The following RPH3AL variants were observed in gnomAD, a reference collection of about 807,000 sequenced individuals.
RPH3AL encodes the protein rab effector Noc2.
A neutral mutation model predicts 43.1 loss-of-function variants in RPH3AL; 38 were observed. The observed-to-expected ratio is 0.88, with a 90% CI of 0.68 to 1.15. The LOEUF (loss-of-function observed/expected upper bound fraction) is 1.15. RPH3AL is among the 50% of genes most tolerant of loss of function. RPH3AL has a pLI of 0.00. For missense variants in RPH3AL, 462 were observed against 423.2 expected, an observed-to-expected ratio of 1.09 and a Z score of -0.81; for synonymous variants, 189 against 176.3, an observed-to-expected ratio of 1.07 and a Z score of -0.57.
chr17:227,438 G>A (rs530490260), intron 7 of RPH3AL, among the ~76,000 whole-genome samples: 20 of 151,398 alleles, frequency 1.3e-4, no homozygotes, highest in South Asian at 2.1e-4. Flanking sequence ...GGGGACAGGC[G>A]TCATGCTGGC....
At chr17:351,672 C>T (rs377687006) in intron 1 of RPH3AL, among the ~76,000 whole-genome samples, 1 of 152,280 alleles carries the variant, frequency 6.6e-6, no homozygotes, top group East Asian at 1.9e-4. Context: ...GGCTCCCGTA[C>T]GATTCTTTAC....
intron 5 of RPH3AL, among the ~76,000 whole-genome samples, chr17:319,177 C>T (rs892272723): frequency 2.6e-5 from 4 of 152,218 alleles, no homozygotes; most frequent in African/African-American, 9.6e-5. Context: ...AGCTCTGGGT[C>T]TCGTGGCTCG....
intron 5 of RPH3AL, among the ~76,000 whole-genome samples, chr17:282,225 A>T (rs1168340362): frequency 6.6e-6 from 1 of 152,234 alleles, no homozygotes; most frequent in Non-Finnish European, 1.5e-5. Context: ...CACACAGCCG[A>T]CGGCGGTGCT....
chr17:257,854 G>A lies in RPH3AL; in HGVS notation c.439-10569C>T, dbSNP rs1276566679. Among the ~76,000 whole-genome samples the A allele has an allele frequency of 1.5e-3, 24 of 16,194 alleles. 9 individuals carry two copies. The East Asian group carries it at 0.016, about 11-fold the overall frequency. 10.6% of individuals were successfully genotyped at this position (16,194 alleles called of 152,430 possible). ...TGTGACTACCCTACGTACTTCCTAT[G>A]AGGGGAGCCGCACGGTGTCTGTCCT... On this transcript the variant is annotated intron_variant, in intron 6 of 9. Transcript: ENST00000331302.
chr17:325,291 C>T (rs1330244101), intron 3 of RPH3AL, among the ~76,000 whole-genome samples: 1 of 152,200 alleles, frequency 6.6e-6, no homozygotes, highest in Admixed American at 6.5e-5. Flanking sequence ...ATTGGGCTGA[C>T]ACATTATTAC....
At chr17:310,943 G>T (rs772200773) in intron 5 of RPH3AL, among the ~76,000 whole-genome samples, 1 of 152,074 alleles carries the variant, frequency 6.6e-6, no homozygotes, top group African/African-American at 2.4e-5. Context: ...GTGCCTCTGC[G>T]ATCATCTCCC....
chr17:230,838 G>C (rs1458924483), intron 7 of RPH3AL, among the ~76,000 whole-genome samples: 1 of 151,564 alleles, frequency 6.6e-6, no homozygotes, highest in Non-Finnish European at 1.5e-5. Flanking sequence ...TGCCTCCCTT[G>C]TTTTTTGTTG....
chr17:315,194 G>GA lies in RPH3AL; in HGVS notation c.351+4225_351+4226insT, dbSNP rs796728911. On this transcript the variant is annotated intron_variant, in intron 5 of 9. Coordinates refer to ENST00000331302, the MANE Select transcript of RPH3AL (RefSeq NM_006987.4). The stretch of plus-strand genomic sequence containing the variant: ...ACCTCCATTCACCTGTAGTCCCTGT[G>GA]CTCCACCTCCATTCACCTGTAGTCT... 2.6e-3 allele frequency among the ~76,000 whole-genome samples: 25 copies of GA among 9,442 alleles called. 2 individuals are homozygous for GA. The highest frequency in any genetic ancestry group is 7.2e-3 in the African/African-American group (14 of 1,958). 6.2% of individuals were successfully genotyped at this position (9,442 alleles called of 152,430 possible).
chr17:314,371 C>A (rs549954774), intron 5 of RPH3AL, among the ~76,000 whole-genome samples: 2 of 147,586 alleles, frequency 1.4e-5, no homozygotes, highest in African/African-American at 5.2e-5. Flanking sequence ...AGTCACTGCC[C>A]GAGTCCTGCA....
rs1453387334 is a variant in RPH3AL at position 304,951 on chromosome 17, G to GA, written c.351+14468_351+14469insT. On this transcript the variant is annotated intron_variant, in intron 5 of 9. Coordinates refer to ENST00000331302, the MANE Select transcript of RPH3AL (RefSeq NM_006987.4). Reference sequence around the variant, plus strand: ...AGGGCGAGAGGGGGACAGGGCGAGAGGGGGACAGGGCGAGAGGGGGACAGG... The same window carrying GA: ...AGGGCGAGAGGGGGACAGGGCGAGAGAGGGGACAGGGCGAGAGGGGGACAGG... Among the ~76,000 whole-genome samples the GA allele has an allele frequency of 3.3e-4, 15 of 45,444 alleles. 1 individual carries two copies. In the East Asian group the frequency reaches 3.8e-3, roughly 12 times the overall value. The allele number at this position is 45,444 out of a possible 152,430, so 29.8% of individuals were successfully genotyped here. A position where few individuals can be genotyped will look rare whatever the true frequency, so the allele number is the denominator to read the frequency against.
At chr17:231,744 A>C (rs1455309583) in intron 7 of RPH3AL, among the ~76,000 whole-genome samples, 1 of 152,254 alleles carries the variant, frequency 6.6e-6, no homozygotes, top group Non-Finnish European at 1.5e-5. Context: ...AGTTCAGCTA[A>C]GACAGGGGCA....
chr17:246,001 C>T lies in RPH3AL; in HGVS notation c.613+1110G>A, dbSNP rs2041755624. On this transcript the variant is annotated intron_variant, in intron 7 of 9. Transcript: ENST00000331302. This position sits in a 1 kb window ranked among gnomAD's most constrained non-coding sequence, Gnocchi z 4.8. The stretch of plus-strand genomic sequence containing the variant: ...CGGGGTGCTGAGGACAAAGTGCCTG[C>T]AGGCTGCACACCAAGGCACAGATGC... Among the ~76,000 whole-genome samples, 1 of 152,182 alleles carries T rather than the reference C, an allele frequency of 6.6e-6. No homozygotes were observed. Among genetic ancestry groups the T allele is most frequent in the Non-Finnish European group, 1.5e-5 (1 of 68,034 alleles).
At chr17:277,098 C>G (rs1218559215) in intron 6 of RPH3AL, among the ~76,000 whole-genome samples, 1 of 151,912 alleles carries the variant, frequency 6.6e-6, no homozygotes, top group Non-Finnish European at 1.5e-5. Flanking sequence ...AGGATAGAAT[C>G]TAAAATGTAG....
chr17:332,656 C>T (rs1242046286), intron 2 of RPH3AL: 3 of 230,484 alleles, frequency 1.3e-5, no homozygotes, highest in African/African-American at 6.6e-5. Context: ...TCTAACCAGG[C>T]TCTGCGACTT....
intron 6 of RPH3AL, among the ~76,000 whole-genome samples, chr17:250,285 A>AAGTG (rs2041866345): frequency 1.1e-5 from 1 of 90,230 alleles, no homozygotes; most frequent in Non-Finnish European, 2.3e-5. Flanking sequence ...CAGAGCCTTT[A>AAGTG]CCAAGCTCCG....
At chr17:273,050 G>GTGAGACCCCAGCAAGGGTGATGTCAGGA (rs2042540809) in intron 6 of RPH3AL, among the ~76,000 whole-genome samples, 3 of 104,714 alleles carry the variant, frequency 2.9e-5, no homozygotes, top group African/African-American at 9.0e-5. Flanking sequence ...CGACGTCAGG[G>GTGAGACCCCAGCAAGGGTGATGTCAGGA]AGAGACCCCA....
At chr17:253,236 C>G (rs1411016296) in intron 6 of RPH3AL, among the ~76,000 whole-genome samples, 2 of 152,140 alleles carry the variant, frequency 1.3e-5, no homozygotes, top group Non-Finnish European at 2.9e-5. Context: ...TGAGAGTGCT[C>G]CCCCACCTCA....
chr17:293,987 C>T (rs763233444), intron 5 of RPH3AL, among the ~76,000 whole-genome samples: 1 of 151,880 alleles, frequency 6.6e-6, no homozygotes, highest in Non-Finnish European at 1.5e-5. Flanking sequence ...GAGATTGCAC[C>T]ACTGCATTAC....
At chr17:242,641 T>C (rs866161949) in intron 7 of RPH3AL, among the ~76,000 whole-genome samples, 15 of 142,570 alleles carry the variant, frequency 1.1e-4, no homozygotes, top group South Asian at 2.4e-4. Flanking sequence ...CCTCTATTGA[T>C]TACCCTTCCT....
Sources: allele counts gnomAD v4.1 joint callset (sites outside exome capture counted in the v4.1 genomes callset), GRCh38; gene constraint gnomAD v4.1.1; non-coding constraint Gnocchi (gnomAD v3.1); transcripts MANE v1.5; gene names NCBI Gene and HGNC (gene_info 2026-07-23, HGNC 2026-07-21).